Variants in CDC42BPB observed in about 807,000 individuals in gnomAD.
The protein encoded by CDC42BPB is CDC42 binding protein kinase beta.
Under a neutral mutation model 214.9 loss-of-function variants are expected in CDC42BPB, and 37 were observed. The ratio of observed to expected loss-of-function variants is 0.17; its 90% confidence interval spans 0.13 to 0.23. CDC42BPB has a LOEUF of 0.23. Ranked by LOEUF, CDC42BPB falls within the 10% of genes least tolerant of loss-of-function variation. CDC42BPB has a pLI of 1.00. For synonymous variants in CDC42BPB, 931 were observed against 884.0 expected (o/e 1.05, Z -0.94); for missense variants, 1,694 against 2,227.0 (o/e 0.76, Z 4.82).
intron 5 of CDC42BPB, among the ~76,000 whole-genome samples, chr14:102,988,353 T>TAA (rs57459341): frequency 2.9e-4 from 36 of 124,204 alleles, no homozygotes; most frequent in African/African-American, 9.1e-4. Flanking sequence ...TTCCAGAAAT[T>TAA]AAAAAAAAAA....
At chr14:103,028,010 G>A (rs937872551) in intron 1 of CDC42BPB, among the ~76,000 whole-genome samples, 1 of 152,164 alleles carries the variant, frequency 6.6e-6, no homozygotes, top group African/African-American at 2.4e-5. Context: ...CGCACCTGTA[G>A]TCCCAGCTGC....
At chr14:103,053,102 C>G (rs1177477138) in intron 1 of CDC42BPB, among the ~76,000 whole-genome samples, 1 of 151,560 alleles carries the variant, frequency 6.6e-6, no homozygotes, top group Non-Finnish European at 1.5e-5. Context: ...GTAATCCCAG[C>G]ACTTTGAGAG....
Position 102,945,665 on chromosome 14 carries a change from C to T in CDC42BPB, c.3808G>A (p.Asp1270Asn). The T allele has an allele frequency of 6.2e-7, 1 of 1,612,720 alleles. No individual in the cohort carries two copies. The highest frequency in any genetic ancestry group is 8.5e-7 in the Non-Finnish European group (1 of 1,179,754). The change falls in exon 29 of 37, where the codon GAT becomes AAT. Residue 1270 changes from aspartate to asparagine, a missense_variant. Asp to Asn is a conservative substitution (Grantham distance 23, BLOSUM62 1). This residue lies in a region of CDC42BPB where 567 missense variants were observed against 790.3 expected (regional missense o/e 0.72). Transcript: ENST00000361246. ...TGGAAACGCCCTGCTCACTCACCAT[C>T]TCGGGTGACCTCTATGACATAGAGC... ...EGLYVIEVTR[D>N]VIVRAADCKK...
At chr14:102,955,205 C>G (rs1892659811) in intron 21 of CDC42BPB, among the ~76,000 whole-genome samples, 1 of 152,196 alleles carries the variant, frequency 6.6e-6, no homozygotes, top group Non-Finnish European at 1.5e-5. Context: ...GGCAGACCAC[C>G]TGAAGTCAGG....
intron 1 of CDC42BPB, among the ~76,000 whole-genome samples, chr14:103,029,877 A>G (rs1030434250): frequency 2.0e-5 from 3 of 151,498 alleles, no homozygotes; most frequent in Admixed American, 1.3e-4. Context: ...AAAAAAAAAA[A>G]AAAAAAGAAA....
chr14:103,043,983 G>A (rs1888151599), intron 1 of CDC42BPB, among the ~76,000 whole-genome samples: 1 of 152,152 alleles, frequency 6.6e-6, no homozygotes, highest in South Asian at 2.1e-4. Flanking sequence ...TTCTTGTTAT[G>A]ACACAGTATA....
At chr14:102,933,905 C>T in intron 36 of CDC42BPB, 62 bp from the exon 37 acceptor site, 1 of 1,458,626 alleles carries the variant, frequency 6.9e-7, no homozygotes, top group East Asian at 2.9e-5. Context: ...GCACGCGTGC[C>T]CAGCTGGATG....
intron 4 of CDC42BPB, among the ~76,000 whole-genome samples, chr14:103,003,300 A>G (rs1057418438): frequency 3.9e-5 from 6 of 152,230 alleles, no homozygotes; most frequent in Non-Finnish European, 7.3e-5. Flanking sequence ...CTCAGCGGCC[A>G]AGACCAAGGG....
At chr14:102,964,479 A>G in intron 19 of CDC42BPB, 23 bp downstream of exon 19, 1 of 1,611,704 alleles carries the variant, frequency 6.2e-7, no homozygotes, top group Non-Finnish European at 8.5e-7. Context: ...TCCTACCTGG[A>G]GTCAGACCCT....
chr14:103,055,613 T>TA (rs1888905366), intron 1 of CDC42BPB, among the ~76,000 whole-genome samples: 1 of 152,232 alleles, frequency 6.6e-6, no homozygotes, highest in South Asian at 2.1e-4. Context: ...CCCACGGAAA[T>TA]AAAGCATCAC....
At chr14:102,963,611 G>A (rs1304436110) in intron 19 of CDC42BPB, among the ~76,000 whole-genome samples, 3 of 152,318 alleles carry the variant, frequency 2.0e-5, no homozygotes, top group South Asian at 4.1e-4. Context: ...AGGCTGCCAC[G>A]GGGAACACCT....
At chr14:102,991,924 T>G (rs1416049052) in intron 5 of CDC42BPB, among the ~76,000 whole-genome samples, 1 of 152,240 alleles carries the variant, frequency 6.6e-6, no homozygotes, top group Non-Finnish European at 1.5e-5. Context: ...TGGTAGCCCC[T>G]AGCCACAGAG....
intron 16 of CDC42BPB, 43 bp from the exon 17 acceptor site, chr14:102,967,213 T>A (rs768700352): frequency 6.3e-7 from 1 of 1,587,904 alleles, no homozygotes; most frequent in Non-Finnish European, 8.6e-7. Context: ...TAATCGGGCA[T>A]CCTTTAAGTA....
rs751490803 is a variant in CDC42BPB at position 102,952,507 on chromosome 14, C to T, written c.3163G>A (p.Ala1055Thr). Residue 1055 changes from alanine (A) to threonine (T), a missense_variant, in exon 24 of 37, where the codon GCC becomes ACC. Around this residue, in one of 7 missense-constraint regions of CDC42BPB, gnomAD observed 567 missense variants for 790.3 expected, o/e 0.72. Coordinates refer to ENST00000361246, the MANE Select transcript of CDC42BPB (RefSeq NM_006035.4). ...CTGCAACGACACTCACCCTCGCAGGCGTAGCCCTGCCGGATCAGCCCAACC... is the reference window on the plus strand; with the variant it reads ...CTGCAACGACACTCACCCTCGCAGGTGTAGCCCTGCCGGATCAGCCCAACC... ...LMVGLIRQGY[A>T]CEVCSFACHV... The T allele has an allele frequency of 9.3e-6, 15 of 1,606,232 alleles. 1 individual carries two copies. The Middle Eastern group carries it at 6.6e-4, about 71-fold the overall frequency.
chr14:102,979,359 C>T (rs1893897334), intron 8 of CDC42BPB, among the ~76,000 whole-genome samples: 1 of 151,986 alleles, frequency 6.6e-6, no homozygotes, highest in African/African-American at 2.4e-5. Context: ...TTACAGGCAC[C>T]CGCTATCATG....
At chr14:103,041,792 T>C in intron 1 of CDC42BPB, 1 of 457,900 alleles carries the variant, frequency 2.2e-6, no homozygotes, top group African/African-American at 2.0e-5. Context: ...ACCGAGTCCC[T>C]GCAGGCCAAG....
intron 34 of CDC42BPB, chr14:102,938,655 G>C: frequency 1.5e-6 from 1 of 652,108 alleles, no homozygotes; most frequent in Non-Finnish European, 1.9e-6. Context: ...TTGAGACTGA[G>C]TCTTGCTCTG....
At chr14:102,945,850 C>A in intron 28 of CDC42BPB, 126 bp from the exon 29 acceptor site, 1 of 770,648 alleles carries the variant, frequency 1.3e-6, no homozygotes. Flanking sequence ...TACAGCATTC[C>A]AGGGATGTGA....
intron 11 of CDC42BPB, chr14:102,974,448 C>T: frequency 1.2e-6 from 1 of 806,072 alleles, no homozygotes; most frequent in Non-Finnish European, 1.5e-6. Flanking sequence ...TGCTCAGTCC[C>T]TCTAACCTGT....
Sources: gnomAD v4.1 joint callset for allele counts (sites outside exome capture counted in the v4.1 genomes callset) on GRCh38, gnomAD v4.1.1 for gene constraint, gnomAD v4.1.1 regional missense constraint, MANE v1.5 for transcripts, NCBI Gene and HGNC (gene_info 2026-07-23, HGNC 2026-07-21) for gene names.